The following PTPRA variants were observed in gnomAD, a reference collection of about 807,000 sequenced individuals.
The protein encoded by PTPRA is protein tyrosine phosphatase receptor type A.
Under a neutral mutation model 104.8 loss-of-function variants are expected in PTPRA, and 25 were observed. The ratio of observed to expected loss-of-function variants is 0.24; its 90% CI spans 0.17 to 0.33. The LOEUF is 0.33. PTPRA is among the 10% of genes least tolerant of loss of function. PTPRA has a pLI of 1.00. For missense variants in PTPRA, 765 were observed against 1,015.3 expected (o/e 0.75, Z 3.35); for synonymous variants, 323 against 368.9 (o/e 0.88, Z 1.43).
chr20:3,032,132 A>T (rs1269353872), intron 20 of PTPRA, among the ~76,000 whole-genome samples: 1 of 152,218 alleles, frequency 6.6e-6, no homozygotes, highest in Middle Eastern at 3.2e-3. Flanking sequence ...CCAAGAAATC[A>T]GACAAGAACA....
In PTPRA at chr20:2,923,281, CTAAGG is replaced by C; in HGVS notation, c.-50+1_-50+5del. On this transcript the variant is annotated splice_donor_variant and 5_prime_UTR_variant, in exon 2 of 24. Coordinates refer to ENST00000399903, the MANE Select transcript of PTPRA (RefSeq NM_001385305.1). LOFTEE classifies it low-confidence loss of function (5UTR_SPLICE). ...GTAATGGATGATGCAGTTCAAATAA[CTAAGG>C]TAAGAGAAATAAAACCAGAACTGTG... 7.8e-7 allele frequency: 1 copy of C among 1,286,200 alleles called. No individual in the cohort carries two copies. The highest frequency in any genetic ancestry group is 1.0e-6 in the Non-Finnish European group (1 of 987,230). The allele number at this position is 1,286,200 out of a possible 1,614,324, so 79.7% of individuals were successfully genotyped here. A position where few individuals can be genotyped will look rare whatever the true frequency, so the allele number is the denominator to read the frequency against.
intron 2 of PTPRA, among the ~76,000 whole-genome samples, chr20:2,943,297 A>G (rs1013780950): frequency 6.7e-6 from 1 of 149,754 alleles, no homozygotes; most frequent in Non-Finnish European, 1.5e-5. Flanking sequence ...TATTACATAC[A>G]TATTATATAG....
In PTPRA at chr20:3,024,456, G is replaced by T; in HGVS notation, c.1465-16G>T. 6.2e-7 allele frequency: 1 copy of T among 1,610,452 alleles called. No individual in the cohort carries two copies. Among genetic ancestry groups the T allele is most frequent in the South Asian group, 1.1e-5 (1 of 90,950 alleles). On this transcript the variant is annotated splice_polypyrimidine_tract_variant and intron_variant, in intron 16 of 23. Transcript: ENST00000399903. ...GTTGTATGTAACCAAGAACTTCTGT[G>T]TCATTCATGTTTCAGATGCAGTATG...
intron 1 of PTPRA, among the ~76,000 whole-genome samples, chr20:2,901,375 G>A (rs1302615892): frequency 6.6e-6 from 1 of 152,134 alleles, no homozygotes. Context: ...TGGGTGGGTA[G>A]CTGAAGGGAG....
chr20:2,927,078 A>G (rs1339300109), intron 2 of PTPRA, among the ~76,000 whole-genome samples: 1 of 151,782 alleles, frequency 6.6e-6, no homozygotes, highest in Non-Finnish European at 1.5e-5. Flanking sequence ...GGCATATGCC[A>G]CCACACCTGG....
In PTPRA at chr20:3,021,380, T is replaced by C; in HGVS notation, c.1113T>C (p.Asp371=). ...TYGNIRVSVE[D]VTVLVDYTVR... is the part of the protein sequence containing the mutation. ...GGAATATTCGGGTGTCTGTAGAGGA[T>C]GTGACTGTCCTGGTGGACTACACAG... Residue 371 remains aspartate (D), a synonymous_variant, in exon 14 of 24, where the codon GAT becomes GAC. Transcript: ENST00000399903. 1 of 1,614,146 alleles carries C rather than the reference T, an allele frequency of 6.2e-7. No homozygotes were observed. The highest frequency in any genetic ancestry group is 8.5e-7 in the Non-Finnish European group (1 of 1,179,982).
intron 5 of PTPRA, among the ~76,000 whole-genome samples, chr20:2,973,560 T>C (rs1027193556): frequency 6.6e-6 from 1 of 152,206 alleles, no homozygotes; most frequent in Non-Finnish European, 1.5e-5. Context: ...TCCTTTCCTC[T>C]TGTGGCCCTG....
intron 9 of PTPRA, among the ~76,000 whole-genome samples, chr20:2,992,327 G>A (rs374863994): frequency 2.6e-5 from 4 of 152,212 alleles, no homozygotes; most frequent in African/African-American, 7.2e-5. Flanking sequence ...GACCAGCCTG[G>A]CCAACATGGT....
intron 6 of PTPRA, among the ~76,000 whole-genome samples, chr20:2,979,505 A>G (rs1011846638): frequency 7.9e-5 from 12 of 152,074 alleles, no homozygotes; most frequent in African/African-American, 2.9e-4. Context: ...CAGTTATATC[A>G]GTTCTCCTAT....
intron 1 of PTPRA, among the ~76,000 whole-genome samples, chr20:2,908,395 G>A (rs971483531): frequency 6.6e-6 from 1 of 152,008 alleles, no homozygotes; most frequent in Non-Finnish European, 1.5e-5. Context: ...TCAAAAATAC[G>A]TTATTTGAGG....
intron 1 of PTPRA, among the ~76,000 whole-genome samples, chr20:2,882,350 C>T (rs1438690163): frequency 6.7e-6 from 1 of 149,268 alleles, no homozygotes; most frequent in Admixed American, 6.7e-5. Flanking sequence ...AGTGCAGTGG[C>T]ACCATCATGG....
In PTPRA at chr20:3,037,127, G is replaced by T. The variant is rs1463877478; in HGVS notation, c.2199-27G>T. The T allele has an allele frequency of 3.1e-6, 5 of 1,610,710 alleles. No individual in the cohort carries two copies. The highest frequency in any genetic ancestry group is 4.2e-6 in the Non-Finnish European group (5 of 1,178,176). On this transcript the variant is annotated intron_variant, in intron 22 of 23. Transcript: ENST00000399903. This position sits in a 1 kb window ranked among gnomAD's most constrained non-coding sequence, Gnocchi z 4.3. ...CCTTGCACAGAGGGCCATCACAGGT[G>T]TGGTAAATGTGTCTGCTCTGTTGCA...
rs1378871353 is a variant in PTPRA, at chr20:2,964,731, G to A, written c.74-130G>A. ...GATAAAAACGTAGGGGGTGGGTGGT[G>A]TTGAGGGGGATTGGTCTTTGCTTGG... On this transcript the variant is annotated intron_variant, in intron 4 of 23. Transcript: ENST00000399903. The A allele has an allele frequency of 6.3e-6, 5 of 790,168 alleles. No homozygotes were observed. The South Asian group carries it at 7.3e-5, about 12-fold the overall frequency. 48.9% of individuals were successfully genotyped at this position (790,168 alleles called of 1,614,324 possible). A position where few individuals can be genotyped will look rare whatever the true frequency, so the allele number is the denominator to read the frequency against.
At chr20:2,930,015 C>T (rs2060451939) in intron 2 of PTPRA, among the ~76,000 whole-genome samples, 1 of 152,182 alleles carries the variant, frequency 6.6e-6, no homozygotes, top group African/African-American at 2.4e-5. Flanking sequence ...GGAGAGAGGT[C>T]TCATAGGAAA....
intron 2 of PTPRA, among the ~76,000 whole-genome samples, 162 bp from the exon 3 acceptor site, chr20:2,947,820 A>T (rs925703011): frequency 6.6e-6 from 1 of 152,190 alleles, no homozygotes; most frequent in African/African-American, 2.4e-5. Context: ...CTTGCAGCCT[A>T]ATTTTTGTGA....
intron 16 of PTPRA, 30 bp from the exon 17 acceptor site, chr20:3,024,442 C>G: frequency 1.9e-6 from 3 of 1,603,284 alleles, no homozygotes; most frequent in Non-Finnish European, 2.6e-6. Flanking sequence ...TTGTATGTAA[C>G]CAAGAACTTC....
intron 11 of PTPRA, among the ~76,000 whole-genome samples, chr20:3,011,663 ACTTGAT>A (rs2064174230): frequency 6.6e-6 from 1 of 152,202 alleles, no homozygotes; most frequent in African/African-American, 2.4e-5. Flanking sequence ...GGGAAATGAG[ACTTGAT>A]CTTGAAAGGT....
chr20:2,923,383 T>C, intron 2 of PTPRA, 98 bp downstream of exon 2: 1 of 881,836 alleles, frequency 1.1e-6, no homozygotes, highest in Non-Finnish European at 1.5e-6. Flanking sequence ...TTCATTTCGT[T>C]TCTAAGCTGT....
chr20:2,948,117 A>G (rs745913459), intron 3 of PTPRA, 93 bp downstream of exon 3: 112 of 584,666 alleles, frequency 1.9e-4, no homozygotes, highest in Non-Finnish European at 3.0e-4. Flanking sequence ...CAAGCTGCTT[A>G]TGGCATAATC....
Sources: gnomAD v4.1 joint callset for allele counts (sites outside exome capture counted in the v4.1 genomes callset) on GRCh38, gnomAD v4.1.1 for gene constraint, Gnocchi (gnomAD v3.1) non-coding constraint, MANE v1.5 for transcripts, NCBI Gene and HGNC (gene_info 2026-07-23, HGNC 2026-07-21) for gene names.